RGS8: variants seen among roughly 807,000 people sequenced by gnomAD.
RGS8 encodes regulator of G protein signaling 8, also known as regulator of G-protein signaling 8.
Under a neutral mutation model 21.7 loss-of-function variants are expected in RGS8, and 8 were observed. That is an observed-to-expected ratio of 0.37 (90% CI 0.22 to 0.66). The LOEUF is 0.66. Ranked by LOEUF, RGS8 falls within the 30% of genes least tolerant of loss-of-function variation. The pLI is 0.59. For missense variants in RGS8, 157 were observed against 217.9 expected, an observed-to-expected ratio of 0.72 and a Z score of 1.76; for synonymous variants, 80 against 83.6, an observed-to-expected ratio of 0.96 and a Z score of 0.24.
chr1:182,668,984 A>T (rs1271534613), intron 3 of RGS8, among the ~76,000 whole-genome samples: 2 of 152,214 alleles, frequency 1.3e-5, no homozygotes, highest in Non-Finnish European at 2.9e-5. Context: ...ACTGCCCTCA[A>T]AGAGCAATCA....
At chr1:182,752,060 C>T in the RGS8 span, among the ~76,000 whole-genome samples, 22 of 152,186 alleles carry the variant, frequency 1.4e-4, no homozygotes, top group African/African-American at 5.3e-4. Flanking sequence ...TGTTTGTCAC[C>T]TGATACTTTC....
the RGS8 span, among the ~76,000 whole-genome samples, chr1:182,708,351 T>G: frequency 6.6e-6 from 1 of 152,224 alleles, no homozygotes; most frequent in African/African-American, 2.4e-5. Flanking sequence ...AAGCCCCCGC[T>G]GGCCCCTGCA....
chr1:182,742,609 C>A, the RGS8 span, among the ~76,000 whole-genome samples: 1 of 152,208 alleles, frequency 6.6e-6, no homozygotes, highest in Non-Finnish European at 1.5e-5. Context: ...CGTGGTGGCG[C>A]GCGCCTGCAA....
chr1:182,659,295 A>G (rs923970641), intron 5 of RGS8, among the ~76,000 whole-genome samples: 4 of 152,238 alleles, frequency 2.6e-5, no homozygotes, highest in Non-Finnish European at 1.5e-5. Flanking sequence ...ATCTGCAACT[A>G]TTATAAGAAA....
the RGS8 span, among the ~76,000 whole-genome samples, chr1:182,705,580 G>A: frequency 2.2e-5 from 3 of 135,660 alleles, no homozygotes; most frequent in Admixed American, 2.1e-4. Context: ...TGATGTGGGT[G>A]AGTATGAAGG....
the RGS8 span, among the ~76,000 whole-genome samples, chr1:182,703,195 T>C: frequency 6.6e-6 from 1 of 152,238 alleles, no homozygotes; most frequent in Non-Finnish European, 1.5e-5. Context: ...ATTCCCTGCC[T>C]ATGCCTTCTG....
upstream of RGS8, among the ~76,000 whole-genome samples, chr1:182,673,726 G>A (rs562219777): frequency 6.6e-6 from 1 of 152,078 alleles, no homozygotes; most frequent in Non-Finnish European, 1.5e-5. Flanking sequence ...GCTAATTGGG[G>A]TTTAGAACTT....
At chr1:182,680,218 G>C (rs2102456135) in intron 1 of RGS8, among the ~76,000 whole-genome samples, 1 of 152,154 alleles carries the variant, frequency 6.6e-6, no homozygotes, top group African/African-American at 2.4e-5. Context: ...TCCTACTCTA[G>C]GGATAAAGTT....
At chr1:182,675,285 A>C (rs1664318670), upstream of RGS8, among the ~76,000 whole-genome samples, 1 of 152,012 alleles carries the variant, frequency 6.6e-6, no homozygotes, top group Non-Finnish European at 1.5e-5. Flanking sequence ...TGGTTTTTAA[A>C]TCTTGTCATA....
At chr1:182,709,078 G>A in the RGS8 span, among the ~76,000 whole-genome samples, 69,616 of 151,288 alleles carry the variant, frequency 0.46, 16,406 homozygotes, top group African/African-American at 0.59. Context: ...CCTTTTCCTG[G>A]CTTTCTTTCT....
At chr1:182,744,212 C>T in the RGS8 span, among the ~76,000 whole-genome samples, 1 of 152,072 alleles carries the variant, frequency 6.6e-6, no homozygotes, top group African/African-American at 2.4e-5. Flanking sequence ...AGCTGACATC[C>T]CTGCAGTCAC....
chr1:182,732,224 CTCTCTT>C, the RGS8 span, among the ~76,000 whole-genome samples: 4 of 150,858 alleles, frequency 2.7e-5, no homozygotes, highest in African/African-American at 9.8e-5. Context: ...CAAGCGCTCT[CTCTCTT>C]TCTCTCTCTC....
At chr1:182,737,211 C>A in the RGS8 span, among the ~76,000 whole-genome samples, 1 of 151,668 alleles carries the variant, frequency 6.6e-6, no homozygotes, top group African/African-American at 2.4e-5. Context: ...CTTATAAGAA[C>A]ACTTCTGATG....
the RGS8 span, among the ~76,000 whole-genome samples, chr1:182,732,267 T>TCACACACACACA: frequency 2.0e-3 from 270 of 133,070 alleles, no homozygotes; most frequent in African/African-American, 7.6e-3. Context: ...TCGCTCTCTC[T>TCACACACACACA]CTCATACACA....
At chr1:182,676,215 A>T (rs556036705), upstream of RGS8, among the ~76,000 whole-genome samples, 54 of 152,364 alleles carry the variant, frequency 3.5e-4, no homozygotes, top group African/African-American at 1.3e-3. Context: ...TTGAAGATAA[A>T]GGGAGTTTAA....
intron 2 of RGS8, 40 bp downstream of exon 3, chr1:182,671,616 AC>A (rs1557898135): frequency 1.3e-6 from 2 of 1,556,904 alleles, no homozygotes; most frequent in African/African-American, 2.7e-5. Context: ...GTGCACACAG[AC>A]ACCCCGGAGA....
At chr1:182,698,335 T>C in the RGS8 span, among the ~76,000 whole-genome samples, 1 of 152,238 alleles carries the variant, frequency 6.6e-6, no homozygotes, top group African/African-American at 2.4e-5. Context: ...CCAGACTGCC[T>C]TGGTTTAAAT....
At chr1:182,659,101 T>C (rs1387932068) in intron 5 of RGS8, among the ~76,000 whole-genome samples, 1 of 152,222 alleles carries the variant, frequency 6.6e-6, no homozygotes, top group Non-Finnish European at 1.5e-5. Context: ...TGAGAGAGCC[T>C]ATGATCAAAC....
At chr1:182,739,691 T>G in the RGS8 span, among the ~76,000 whole-genome samples, 1 of 152,060 alleles carries the variant, frequency 6.6e-6, no homozygotes, top group Non-Finnish European at 1.5e-5. Context: ...CAGTGCTGTT[T>G]CCATTCCTCT....
Sources: gnomAD v4.1 joint callset for allele counts (sites outside exome capture counted in the v4.1 genomes callset) on GRCh38, gnomAD v4.1.1 for gene constraint, MANE v1.5 for transcripts, NCBI Gene and HGNC (gene_info 2026-07-23, HGNC 2026-07-21) for gene names.